Variants in NDNF observed in about 807,000 individuals in gnomAD.
NDNF encodes neuron derived neurotrophic factor, also known as protein NDNF.
NDNF carries 16 observed loss-of-function variants against 42.0 expected under a neutral mutation model. The ratio of observed to expected loss-of-function variants is 0.38; its 90% confidence interval spans 0.26 to 0.58. The LOEUF is 0.58. Ranked by LOEUF, NDNF falls within the 20% of genes least tolerant of loss-of-function variation. NDNF has a pLI of 0.67. For synonymous variants in NDNF, 248 were observed against 251.7 expected, an observed-to-expected ratio of 0.99 and a Z score of 0.14; for missense variants, 616 against 666.2, an observed-to-expected ratio of 0.92 and a Z score of 0.83.
At chr4:121,039,798 C>G in intron 3 of NDNF, 132 bp downstream of exon 3, 1 of 1,009,114 alleles carries the variant, frequency 9.9e-7, no homozygotes, top group Non-Finnish European at 1.4e-6. Flanking sequence ...TCCCTTATCT[C>G]CGTCTCATAC....
At position 121,037,330 on chromosome 4, in the gene NDNF, A is replaced by G. The variant is rs1178234997; in HGVS notation, c.641T>C (p.Val214Ala). 6.2e-7 allele frequency: 1 copy of G among 1,614,112 alleles called. No homozygotes were observed. Among genetic ancestry groups the G allele is most frequent in the Admixed American group, 1.7e-5 (1 of 59,996 alleles). Residue 214 changes from valine (V) to alanine (A), a missense_variant, in exon 4 of 4, where the codon GTC (valine) becomes GCC (alanine). Physicochemically the swap from Val to Ala is moderately conservative, Grantham distance 64 (BLOSUM62 0). Coordinates refer to ENST00000379692, the MANE Select transcript of NDNF (RefSeq NM_024574.4). ...TTTGAAATTGTGCTCTTTGTTGATG[A>G]CCACACAGTACTGAATGGGTTGTTT... ...LLKQPIQYCVVINKEHNFKSL... is the reference protein window; with the variant it reads ...LLKQPIQYCVAINKEHNFKSL...
intron 1 of NDNF, among the ~76,000 whole-genome samples, chr4:121,066,957 T>A (rs1456000036): frequency 2.6e-5 from 4 of 152,272 alleles, no homozygotes; most frequent in Non-Finnish European, 4.4e-5. Flanking sequence ...AGTCTCCATT[T>A]ACTTCAGCTG....
At chr4:121,067,593 G>A (rs938296524) in intron 1 of NDNF, among the ~76,000 whole-genome samples, 19 of 152,022 alleles carry the variant, frequency 1.2e-4, no homozygotes, top group Non-Finnish European at 2.2e-4. Context: ...TGAGTTCCTT[G>A]AAAAAAATTG....
Position 121,036,156 on chromosome 4 carries a change from C to T in NDNF, c.*108G>A. On this transcript the variant is annotated 3_prime_UTR_variant, in exon 4 of 4. Transcript: ENST00000379692. ...CGTTGATATCCTTCCTTCCATAGTA[C>T]AAGTACAGGTCACAACTTCTCTCAA... is the stretch of plus-strand genomic sequence containing the variant. 3 of 866,518 alleles carry T rather than the reference C, an allele frequency of 3.5e-6. No homozygotes were observed. Among genetic ancestry groups the T allele is most frequent in the South Asian group, 3.3e-5 (2 of 60,266 alleles). 53.7% of individuals were successfully genotyped at this position (866,518 alleles called of 1,614,324 possible).
chr4:121,040,788 G>A (rs929475662), intron 2 of NDNF, among the ~76,000 whole-genome samples: 4 of 152,098 alleles, frequency 2.6e-5, no homozygotes, highest in Non-Finnish European at 5.9e-5. Flanking sequence ...GACTGCAGGC[G>A]TGTGCCACCA....
At position 121,072,213 on chromosome 4, in the gene NDNF, C is replaced by A. The variant is rs1354797996; in HGVS notation, c.-222G>T. 6.6e-6 allele frequency: 1 copy of A among 152,562 alleles called. No homozygotes were observed. Among genetic ancestry groups the A allele is most frequent in the African/African-American group, 2.4e-5 (1 of 41,472 alleles). The allele number at this position is 152,562 out of a possible 1,614,324, so 9.5% of individuals were successfully genotyped here. A position where few individuals can be genotyped will look rare whatever the true frequency, so the allele number is the denominator to read the frequency against. ...CGGCACAGCAAACTTCAAAGGCGGG[C>A]GAGGGCGGGCGGCGCGCGGTCGCCG... On this transcript the variant is annotated 5_prime_UTR_variant, in exon 1 of 4. Transcript: ENST00000379692.
At chr4:121,057,758 C>G (rs1053613199) in intron 1 of NDNF, among the ~76,000 whole-genome samples, 1 of 152,204 alleles carries the variant, frequency 6.6e-6, no homozygotes, top group Non-Finnish European at 1.5e-5. Context: ...TGCTTCCTGA[C>G]TTTCCGGAGT....
intron 3 of NDNF, 109 bp from the exon 4 acceptor site, chr4:121,037,766 G>A: frequency 1.5e-6 from 1 of 674,960 alleles, no homozygotes; most frequent in Non-Finnish European, 2.4e-6. Flanking sequence ...AATAGTACAT[G>A]TTCATAAGTA....
intron 1 of NDNF, among the ~76,000 whole-genome samples, chr4:121,056,640 TC>T (rs1414138661): frequency 6.6e-6 from 1 of 152,236 alleles, no homozygotes; most frequent in Non-Finnish European, 1.5e-5. Flanking sequence ...CTGCATATTT[TC>T]CATCTATCTC....
rs1237808985 is a variant in NDNF, at chr4:121,037,486, T to C, written c.485A>G (p.Tyr162Cys). 3 of 1,614,170 alleles carry C rather than the reference T, an allele frequency of 1.9e-6. No individual in the cohort carries two copies. Among genetic ancestry groups the C allele is most frequent in the Admixed American group, 3.3e-5 (2 of 60,016 alleles). ...STEKDTHFKV[Y>C]ATTTPESDQP... is the part of the protein sequence containing the mutation. The stretch of plus-strand genomic sequence containing the variant: ...ATCAGATTCTGGAGTTGTGGTGGCA[T>C]ATACTTTGAAATGTGTGTCTTTCTC... Residue 162 changes from tyrosine (Y) to cysteine (C), a missense_variant, in exon 4 of 4, where the codon TAT becomes TGT. Physicochemically the swap from Tyr to Cys is radical, Grantham distance 194 (BLOSUM62 -2). Coordinates refer to ENST00000379692, the MANE Select transcript of NDNF (RefSeq NM_024574.4).
chr4:121,045,783 T>G lies in NDNF; in HGVS notation c.55A>C (p.Thr19Pro). ...TCATCCCGGGTGGGTAACTTCTGGG[T>G]CCTTGAGCTGAGTGGAAACAGGAGC... Reference protein sequence around the residue: ...LWLLFPLSSRTQKLPTRDEEL... With the variant: ...LWLLFPLSSRPQKLPTRDEEL... The change falls in exon 2 of 4, where the codon ACC (threonine) becomes CCC (proline). Residue 19 changes from threonine to proline, a missense_variant. Physicochemically the swap from Thr to Pro is conservative, Grantham distance 38 (BLOSUM62 -1). Coordinates refer to ENST00000379692, the MANE Select transcript of NDNF (RefSeq NM_024574.4). 1.2e-6 allele frequency: 2 copies of G among 1,614,172 alleles called. No homozygotes were observed. Among genetic ancestry groups the G allele is most frequent in the Non-Finnish European group, 1.7e-6 (2 of 1,180,038 alleles).
chr4:121,037,728 T>C, intron 3 of NDNF, 71 bp from the exon 4 acceptor site: 2 of 1,086,128 alleles, frequency 1.8e-6, no homozygotes, highest in Non-Finnish European at 2.6e-6. Context: ...TAAGTTATCC[T>C]TTTATCTTAT....
chr4:121,068,540 T>C (rs1727537397), intron 1 of NDNF, among the ~76,000 whole-genome samples: 1 of 152,216 alleles, frequency 6.6e-6, no homozygotes, highest in Non-Finnish European at 1.5e-5. Context: ...TTAGTTGAAC[T>C]ATTTTGTTGG....
intron 1 of NDNF, among the ~76,000 whole-genome samples, chr4:121,066,876 C>T (rs1727508169): frequency 6.6e-6 from 1 of 152,170 alleles, no homozygotes; most frequent in African/African-American, 2.4e-5. Flanking sequence ...TCTCAGAGCA[C>T]ACAGCTGGAA....
At position 121,072,339 on chromosome 4, in the gene NDNF, G is replaced by A. The variant is rs1327003554; in HGVS notation, c.-348C>T. 1 of 151,552 alleles carries A rather than the reference G, an allele frequency of 6.6e-6. No homozygotes were observed. The highest frequency in any genetic ancestry group is 1.5e-5 in the Non-Finnish European group (1 of 67,894). The allele number at this position is 151,552 out of a possible 1,614,324, so 9.4% of individuals were successfully genotyped here. On this transcript the variant is annotated 5_prime_UTR_variant, in exon 1 of 4. Coordinates refer to ENST00000379692, the MANE Select transcript of NDNF (RefSeq NM_024574.4). The stretch of plus-strand genomic sequence containing the variant: ...TCCTTTTAAACTGCAGGGAGCGTGC[G>A]GGGGCTGGGCGGCGGGAGGATGCCG...
intron 2 of NDNF, among the ~76,000 whole-genome samples, chr4:121,041,672 G>C (rs1422006314): frequency 6.6e-6 from 1 of 152,144 alleles, no homozygotes; most frequent in Non-Finnish European, 1.5e-5. Context: ...GGAATGATTC[G>C]GAGGTGGTGA....
chr4:121,070,728 AAAG>A (rs909180979), intron 1 of NDNF, among the ~76,000 whole-genome samples: 2 of 152,252 alleles, frequency 1.3e-5, no homozygotes, highest in African/African-American at 4.8e-5. Flanking sequence ...AAATAAATTT[AAAG>A]AAAAGAAGGA....
chr4:121,039,205 T>TATA (rs1726948788), intron 3 of NDNF, among the ~76,000 whole-genome samples: 1 of 48,324 alleles, frequency 2.1e-5, no homozygotes, highest in Non-Finnish European at 5.0e-5. Context: ...TATATATATA[T>TATA]ATATATATAT....
At chr4:121,042,930 C>A (rs567490063) in intron 2 of NDNF, among the ~76,000 whole-genome samples, 1 of 152,120 alleles carries the variant, frequency 6.6e-6, no homozygotes, top group Non-Finnish European at 1.5e-5. Context: ...TAAAACAATG[C>A]TTTCATTCCA....
Sources: gnomAD v4.1 joint callset for allele counts (sites outside exome capture counted in the v4.1 genomes callset) on GRCh38, gnomAD v4.1.1 for gene constraint, MANE v1.5 for transcripts, NCBI Gene and HGNC (gene_info 2026-07-23, HGNC 2026-07-21) for gene names.